The following DLG3 variants were observed in gnomAD, a reference collection of about 807,000 sequenced individuals.
The protein encoded by DLG3 is discs large MAGUK scaffold protein 3.
Under a neutral mutation model 64.1 loss-of-function variants are expected in DLG3, and 1 was observed. The ratio of observed to expected loss-of-function variants is 0.02; its 90% CI spans 0.01 to 0.07. The LOEUF is 0.07. DLG3 is among the 10% of genes least tolerant of loss of function. DLG3 has a pLI of 1.00. For synonymous variants in DLG3, 245 were observed against 259.8 expected (o/e 0.94, Z 0.55); for missense variants, 429 against 669.5 (o/e 0.64, Z 3.96).
chrX:70,467,800 T>A (rs1307786161), intron 9 of DLG3, among the ~76,000 whole-genome samples: 1 of 111,922 alleles, frequency 8.9e-6, no homozygotes, highest in Non-Finnish European at 1.9e-5. Flanking sequence ...GTTTTTTGGA[T>A]GAGGTATTTT....
At chrX:70,460,734 C>A (rs2147796046) in intron 9 of DLG3, among the ~76,000 whole-genome samples, 1 of 111,605 alleles carries the variant, frequency 9.0e-6, no homozygotes, top group Admixed American at 9.6e-5. Flanking sequence ...TGTCACCCTT[C>A]ATCTCCCCAT....
chrX:70,489,931 C>T (rs889148745), intron 10 of DLG3, among the ~76,000 whole-genome samples: 27 of 110,816 alleles, frequency 2.4e-4, no homozygotes, highest in African/African-American at 7.6e-4. Context: ...GGCGCAATCT[C>T]GGCTCACTGC....
At chrX:70,490,099 G>T (rs1303709048) in intron 10 of DLG3, among the ~76,000 whole-genome samples, 3 of 111,546 alleles carry the variant, frequency 2.7e-5, no homozygotes, top group East Asian at 5.6e-4. Context: ...CTGACCTCAA[G>T]TGATCTGCCT....
Position 70,494,505 on chromosome X carries a change from A to G in DLG3, c.1774-903A>G, listed in dbSNP as rs763327423. 2.0e-4 allele frequency among the ~76,000 whole-genome samples: 22 copies of G among 111,948 alleles called. No homozygotes were observed. The South Asian group carries it at 6.4e-3, about 33-fold the overall frequency. ...TGCTATCTGGGGTGGTACCTGGTGG[A>G]CAGAAGGGTGCCCTCATCTAGATGG... is the stretch of plus-strand genomic sequence containing the variant. On this transcript the variant is annotated intron_variant, in intron 12 of 18. Coordinates refer to ENST00000374360, the MANE Select transcript of DLG3 (RefSeq NM_021120.4).
intron 13 of DLG3, among the ~76,000 whole-genome samples, chrX:70,496,765 G>A (rs931458439): frequency 8.9e-5 from 10 of 112,630 alleles, no homozygotes; most frequent in African/African-American, 2.9e-4. Context: ...TACTTCAGGG[G>A]CTCTGTTGGG....
At chrX:70,450,060 C>A in intron 4 of DLG3, 109 bp from the exon 5 acceptor site, 2 of 1,073,222 alleles carry the variant, frequency 1.9e-6, no homozygotes, top group African/African-American at 1.8e-5. Context: ...CCGGGGGGAG[C>A]TCCTGTGGGG....
chrX:70,462,516 C>T (rs2086824128), intron 9 of DLG3, among the ~76,000 whole-genome samples: 1 of 111,033 alleles, frequency 9.0e-6, no homozygotes, highest in Non-Finnish European at 1.9e-5. Flanking sequence ...TCCCAGCCTC[C>T]CAAAGTGCTA....
chrX:70,471,331 C>CTT (rs756585636), intron 9 of DLG3, among the ~76,000 whole-genome samples: 6 of 100,746 alleles, frequency 6.0e-5, no homozygotes, highest in Non-Finnish European at 6.1e-5. Context: ...GAAGACATAA[C>CTT]TTTTTTTTTT....
chrX:70,489,124 A>C (rs2087309852), intron 10 of DLG3, among the ~76,000 whole-genome samples: 1 of 111,334 alleles, frequency 9.0e-6, no homozygotes, highest in African/African-American at 3.3e-5. Flanking sequence ...AATTGGCTTA[A>C]TGTTTTTTGA....
intron 10 of DLG3, among the ~76,000 whole-genome samples, chrX:70,481,648 G>C (rs1263044180): frequency 1.8e-5 from 2 of 112,156 alleles, no homozygotes; most frequent in Non-Finnish European, 3.8e-5. Flanking sequence ...CAGTGTGGTA[G>C]TGTGGCTCTG....
intron 9 of DLG3, among the ~76,000 whole-genome samples, chrX:70,461,369 C>T (rs1393401304): frequency 2.7e-5 from 3 of 111,931 alleles, no homozygotes; most frequent in Admixed American, 9.5e-5. Context: ...TGTTTTGCTT[C>T]GTCCCCTGAT....
chrX:70,501,064 G>T, intron 18 of DLG3, 75 bp downstream of exon 18: 2 of 813,854 alleles, frequency 2.5e-6, no homozygotes, highest in Non-Finnish European at 1.8e-6. Context: ...TCTCAAAGAG[G>T]TGTAGACAGA....
In DLG3 at chrX:70,482,781, C is replaced by T. The variant is rs760906678; in HGVS notation, c.1520+3517C>T. ...CGCCTCCTGGGTTCACGCCATTCTG[C>T]CTCAGCCTCCCGAGTAGCTGGGACT... On this transcript the variant is annotated intron_variant, in intron 10 of 18. Coordinates refer to ENST00000374360, the MANE Select transcript of DLG3 (RefSeq NM_021120.4). Among the ~76,000 whole-genome samples the T allele has an allele frequency of 2.9e-5, 3 of 103,527 alleles. No individual in the cohort carries two copies. The South Asian group carries it at 1.4e-3, about 48-fold the overall frequency. 89.9% of individuals were successfully genotyped at this position (103,527 alleles called of 115,157 possible).
chrX:70,503,230 T>C lies in DLG3; in HGVS notation c.*961T>C, dbSNP rs2087598139. 8.9e-6 allele frequency: 1 copy of C among 112,897 alleles called. No homozygotes were observed. Among genetic ancestry groups the C allele is most frequent in the Non-Finnish European group, 1.9e-5 (1 of 53,305 alleles). The allele number at this position is 112,897 out of a possible 1,213,427, so 9.3% of individuals were successfully genotyped here. A position where few individuals can be genotyped will look rare whatever the true frequency, so the allele number is the denominator to read the frequency against. On this transcript the variant is annotated 3_prime_UTR_variant, in exon 19 of 19. Coordinates refer to ENST00000374360, the MANE Select transcript of DLG3 (RefSeq NM_021120.4). Reference sequence around the variant, plus strand: ...ATGTGTCTGCATGAGAGGTTTCCTTTTTGTTCCTTTTTAAGCTGCTGTTAA... The same window carrying C: ...ATGTGTCTGCATGAGAGGTTTCCTTCTTGTTCCTTTTTAAGCTGCTGTTAA...
chrX:70,456,725 T>C (rs963191780), intron 9 of DLG3, among the ~76,000 whole-genome samples: 1 of 109,537 alleles, frequency 9.1e-6, no homozygotes, highest in Non-Finnish European at 1.9e-5. Context: ...GTTTGGTAAA[T>C]CCAGCAAGTC....
intron 1 of DLG3, chrX:70,448,632 C>G (rs1169392230): frequency 5.2e-6 from 6 of 1,163,400 alleles, no homozygotes; most frequent in Non-Finnish European, 5.7e-6. Context: ...CACAGCCTCT[C>G]GGTGAGTGCA....
At position 70,504,844 on chromosome X, in the gene DLG3, C is replaced by T. The variant is rs2087626121; in HGVS notation, c.*2575C>T. 8.9e-6 allele frequency: 1 copy of T among 112,419 alleles called. No individual in the cohort carries two copies. Among genetic ancestry groups the T allele is most frequent in the African/African-American group, 3.2e-5 (1 of 30,828 alleles). 9.3% of individuals were successfully genotyped at this position (112,419 alleles called of 1,213,427 possible). A position where few individuals can be genotyped will look rare whatever the true frequency, so the allele number is the denominator to read the frequency against. ...GGACAGCAGTCATCCCCATAGCCCTCTGAGGAGGGGAGGGATGCTTAGAGC... is the reference window on the plus strand; with the variant it reads ...GGACAGCAGTCATCCCCATAGCCCTTTGAGGAGGGGAGGGATGCTTAGAGC... On this transcript the variant is annotated 3_prime_UTR_variant, in exon 19 of 19. Coordinates refer to ENST00000374360, the MANE Select transcript of DLG3 (RefSeq NM_021120.4).
chrX:70,495,335 C>A, intron 12 of DLG3, 73 bp from the exon 13 acceptor site: 2 of 981,867 alleles, frequency 2.0e-6, no homozygotes, highest in Non-Finnish European at 2.9e-6. Flanking sequence ...CTCTTCCATT[C>A]CCTCCCATCC....
chrX:70,500,541 T>C lies in DLG3; in HGVS notation c.2216T>C (p.Ile739Thr). Residue 739 changes from isoleucine (I) to threonine (T), a missense_variant, in exon 17 of 19, where the codon ATT (isoleucine) becomes ACT (threonine). This residue lies in a region of DLG3 where 48 missense variants were observed against 69.5 expected (regional missense o/e 0.69). Coordinates refer to ENST00000374360, the MANE Select transcript of DLG3 (RefSeq NM_021120.4). ...KRLQQAQLYPIAIFIKPKSIE... is the reference protein window; with the variant it reads ...KRLQQAQLYPTAIFIKPKSIE... ...CTGCAGCAAGCACAACTTTACCCCA[T>C]TGCCATTTTCATCAAGCCCAAGTCC... The C allele has an allele frequency of 8.3e-7, 1 of 1,210,548 alleles. No homozygotes were observed. The highest frequency in any genetic ancestry group is 1.1e-6 in the Non-Finnish European group (1 of 894,566).
Sources: gnomAD v4.1 joint callset for allele counts (sites outside exome capture counted in the v4.1 genomes callset) on GRCh38, gnomAD v4.1.1 for gene constraint, gnomAD v4.1.1 regional missense constraint, MANE v1.5 for transcripts, NCBI Gene and HGNC (gene_info 2026-07-23, HGNC 2026-07-21) for gene names.